ALCAM: variants seen among roughly 807,000 people sequenced by gnomAD.
The protein encoded by ALCAM is activated leukocyte cell adhesion molecule, also known as CD166 antigen.
In ALCAM, 30 loss-of-function variants were observed where a neutral mutation model predicts 70.9. That is an observed-to-expected ratio of 0.42 (90% CI 0.32 to 0.57). The LOEUF (loss-of-function observed/expected upper bound fraction) is 0.57. Among genes scored for constraint, ALCAM ranks in the 20% least tolerant of loss-of-function variants. ALCAM has a pLI of 0.11. For synonymous variants in ALCAM, 249 were observed against 242.5 expected, an observed-to-expected ratio of 1.03 and a Z score of -0.25; for missense variants, 591 against 695.1, an observed-to-expected ratio of 0.85 and a Z score of 1.68.
chr3:105,521,680 G>C (rs1939549088), intron 2 of ALCAM, among the ~76,000 whole-genome samples: 1 of 152,128 alleles, frequency 6.6e-6, no homozygotes, highest in Non-Finnish European at 1.5e-5. Context: ...CGAAGAAATT[G>C]ATATCAAAAT....
At chr3:105,433,733 G>A (rs1042574864) in intron 1 of ALCAM, among the ~76,000 whole-genome samples, 2 of 149,276 alleles carry the variant, frequency 1.3e-5, no homozygotes, top group African/African-American at 2.5e-5. Flanking sequence ...CCACCAAGGG[G>A]GATATAGGAA....
At chr3:105,525,439 G>A (rs530982168) in intron 3 of ALCAM, 2 of 828,584 alleles carry the variant, frequency 2.4e-6, no homozygotes, top group Non-Finnish European at 1.5e-6. Context: ...TACAGGGAAC[G>A]AAACAGGTCT....
At chr3:105,521,068 G>C (rs574007895) in intron 2 of ALCAM, among the ~76,000 whole-genome samples, 1 of 151,992 alleles carries the variant, frequency 6.6e-6, no homozygotes, top group African/African-American at 2.4e-5. Flanking sequence ...TTGGGAGGCC[G>C]AGGCGGGTGG....
At chr3:105,391,757 G>T (rs528272632) in intron 1 of ALCAM, among the ~76,000 whole-genome samples, 1 of 151,668 alleles carries the variant, frequency 6.6e-6, no homozygotes, top group Non-Finnish European at 1.5e-5. Context: ...TTTGAAGTAT[G>T]TTCCTTCAAT....
chr3:105,554,041 C>T (rs1940467111), intron 14 of ALCAM, among the ~76,000 whole-genome samples: 1 of 151,854 alleles, frequency 6.6e-6, no homozygotes, highest in African/African-American at 2.4e-5. Context: ...GCAGCCCACA[C>T]CAATACTTGG....
At chr3:105,409,540 C>T (rs1420082898) in intron 1 of ALCAM, among the ~76,000 whole-genome samples, 1 of 151,986 alleles carries the variant, frequency 6.6e-6, no homozygotes, top group African/African-American at 2.4e-5. Flanking sequence ...ACGCATTGGA[C>T]TTTGGTGACT....
intron 1 of ALCAM, among the ~76,000 whole-genome samples, chr3:105,431,457 G>T (rs1036582): frequency 1.3e-5 from 2 of 151,912 alleles, no homozygotes; most frequent in Admixed American, 1.3e-4. Flanking sequence ...TGAGCTTGTT[G>T]TCATAGCGAT....
chr3:105,482,759 G>A (rs1938308764), intron 1 of ALCAM, among the ~76,000 whole-genome samples: 1 of 152,034 alleles, frequency 6.6e-6, no homozygotes, highest in African/African-American at 2.4e-5. Context: ...ATATTAAAAA[G>A]CAATGTAATT....
At chr3:105,489,357 T>C (rs1468060838) in intron 1 of ALCAM, among the ~76,000 whole-genome samples, 1 of 152,196 alleles carries the variant, frequency 6.6e-6, no homozygotes, top group Non-Finnish European at 1.5e-5. Flanking sequence ...TATATTATAT[T>C]CCAATGGCTT....
intron 1 of ALCAM, among the ~76,000 whole-genome samples, chr3:105,510,984 C>A (rs1939220385): frequency 6.6e-6 from 1 of 151,964 alleles, no homozygotes; most frequent in Non-Finnish European, 1.5e-5. Flanking sequence ...AGATTTCATA[C>A]CCTTAGAAAT....
intron 1 of ALCAM, among the ~76,000 whole-genome samples, chr3:105,458,902 C>A (rs1240190518): frequency 6.6e-6 from 1 of 152,108 alleles, no homozygotes; most frequent in Non-Finnish European, 1.5e-5. Context: ...TCTAATCCAA[C>A]CTTTACACTC....
At chr3:105,569,468 A>G (rs945098265) in intron 14 of ALCAM, among the ~76,000 whole-genome samples, 1 of 152,140 alleles carries the variant, frequency 6.6e-6, no homozygotes, top group African/African-American at 2.4e-5. Flanking sequence ...GTGCAGAACT[A>G]TCTGGAAAGG....
At position 105,392,015 on chromosome 3, in the gene ALCAM, G is replaced by A. The variant is rs114671050; in HGVS notation, c.73+24534G>A. ...GATTTTTACATCAGTGTTCTTCAGG[G>A]ATATTGGCCTGAAGTTTTCCTCTTT... On this transcript the variant is annotated intron_variant, in intron 1 of 15. Transcript: ENST00000306107. Among the ~76,000 whole-genome samples, 1,143 of 152,040 alleles carry A rather than the reference G, an allele frequency of 7.5e-3. 5 individuals carry two copies. Among genetic ancestry groups the A allele is most frequent in the Middle Eastern group, 0.041 (12 of 294 alleles).
In ALCAM at chr3:105,545,332, G is replaced by A. The variant is rs34926152; in HGVS notation, c.1101G>A (p.Met367Ile). 1.2e-6 allele frequency: 2 copies of A among 1,602,500 alleles called. No individual in the cohort carries two copies. The highest frequency in any genetic ancestry group is 2.2e-5 in the East Asian group (1 of 44,678). ...SASRNATVVW[M>I]KDNIRLRSSP... ...GCAGGAATGCAACTGTGGTATGGATGAAAGTAAGTAATATTTTTGGTACTA... is the reference window on the plus strand; with the variant it reads ...GCAGGAATGCAACTGTGGTATGGATAAAAGTAAGTAATATTTTTGGTACTA... The change falls in exon 9 of 16, where the codon ATG becomes ATA. Residue 367 changes from methionine to isoleucine, a missense_variant. Met to Ile is a conservative substitution (Grantham distance 10). Coordinates refer to ENST00000306107, the MANE Select transcript of ALCAM (RefSeq NM_001627.4).
intron 3 of ALCAM, among the ~76,000 whole-genome samples, chr3:105,525,617 A>G (rs943637943): frequency 1.3e-5 from 2 of 152,178 alleles, no homozygotes; most frequent in African/African-American, 4.8e-5. Context: ...GCAAGTAACT[A>G]TGGATTTTTC....
intron 1 of ALCAM, among the ~76,000 whole-genome samples, chr3:105,385,315 C>T (rs1298918131): frequency 6.6e-6 from 1 of 151,474 alleles, no homozygotes; most frequent in Non-Finnish European, 1.5e-5. Flanking sequence ...AGAGAGTATT[C>T]TGTAAAAGCT....
intron 6 of ALCAM, among the ~76,000 whole-genome samples, chr3:105,535,453 A>G (rs1939947637): frequency 6.6e-6 from 1 of 152,152 alleles, no homozygotes. Flanking sequence ...TGCCAAGATA[A>G]TCTAATGATT....
At chr3:105,548,275 T>C (rs1216800679) in intron 11 of ALCAM, among the ~76,000 whole-genome samples, 4 of 151,368 alleles carry the variant, frequency 2.6e-5, no homozygotes, top group Non-Finnish European at 1.5e-5. Flanking sequence ...ATCCCAGTAA[T>C]TTGCCAATCT....
At chr3:105,416,459 A>G (rs1378334103) in intron 1 of ALCAM, among the ~76,000 whole-genome samples, 6 of 152,028 alleles carry the variant, frequency 3.9e-5, no homozygotes. Context: ...TTGTGAGAAA[A>G]TTATATATAA....
Sources: gnomAD v4.1 joint callset for allele counts (sites outside exome capture counted in the v4.1 genomes callset) on GRCh38, gnomAD v4.1.1 for gene constraint, MANE v1.5 for transcripts, NCBI Gene and HGNC (gene_info 2026-07-23, HGNC 2026-07-21) for gene names.